Variants in PIGR observed in about 807,000 individuals in gnomAD.
The protein encoded by PIGR is polymeric immunoglobulin receptor.
In PIGR, 22 loss-of-function variants were observed where a neutral mutation model predicts 69.5. The observed-to-expected ratio is 0.32, with a 90% CI of 0.23 to 0.45. The LOEUF is 0.45. PIGR is among the 20% of genes least tolerant of loss of function. PIGR has a pLI of 1.00. For synonymous variants in PIGR, 413 were observed against 407.6 expected (o/e 1.01, Z -0.16); for missense variants, 885 against 974.0 (o/e 0.91, Z 1.22).
At position 206,937,265 on chromosome 1, in the gene PIGR, G is replaced by A; in HGVS notation, c.875C>T (p.Ala292Val). ...GTTGAGCAGGATCCTGCCCTCAAAG[G>A]CTGGGGCCCTCTTCCCCAGGGTGTT... is the stretch of plus-strand genomic sequence containing the variant. ...VVNTLGKRAP[A>V]FEGRILLNPQ... Residue 292 changes from alanine (A) to valine (V), a missense_variant, in exon 4 of 11, where the codon GCC becomes GTC. Ala to Val is a moderately conservative substitution (Grantham distance 64). Coordinates refer to ENST00000356495, the MANE Select transcript of PIGR (RefSeq NM_002644.4). 1 of 1,613,952 alleles carries A rather than the reference G, an allele frequency of 6.2e-7. No individual in the cohort carries two copies. Among genetic ancestry groups the A allele is most frequent in the Non-Finnish European group, 8.5e-7 (1 of 1,179,918 alleles).
rs753338263 is a variant in PIGR, at chr1:206,932,957, C to T, written c.1886+29G>A. 7.9e-5 allele frequency: 127 copies of T among 1,610,538 alleles called. No individual in the cohort carries two copies. In the East Asian group the frequency reaches 2.2e-3, roughly 28 times the overall value. ...AGGTGCTCGGCTCTGGGGTGTTCTCCGAGTGGGGAGCCTTGAATCCTTCCT... is the reference window on the plus strand; with the variant it reads ...AGGTGCTCGGCTCTGGGGTGTTCTCTGAGTGGGGAGCCTTGAATCCTTCCT... On this transcript the variant is annotated intron_variant, in intron 7 of 10. Coordinates refer to ENST00000356495, the MANE Select transcript of PIGR (RefSeq NM_002644.4).
chr1:206,937,308 T>A lies in PIGR; in HGVS notation c.832A>T (p.Asn278Tyr), dbSNP rs764279486. 5.0e-6 allele frequency: 8 copies of A among 1,613,354 alleles called. No homozygotes were observed. Among genetic ancestry groups the A allele is most frequent in the Non-Finnish European group, 5.9e-6 (7 of 1,179,588 alleles). Residue 278 changes from asparagine to tyrosine, a missense_variant, in exon 4 of 11, where the codon AAC (asparagine) becomes TAC (tyrosine). Coordinates refer to ENST00000356495, the MANE Select transcript of PIGR (RefSeq NM_002644.4). Reference protein sequence around the residue: ...KFLCRQSSGENCDVVVNTLGK... With the variant: ...KFLCRQSSGEYCDVVVNTLGK... The stretch of plus-strand genomic sequence containing the variant: ...AGGGTGTTGACGACCACGTCACAGT[T>A]TTCCCCACTGCTCTGTCGGCACAGA...
At position 206,930,867 on chromosome 1, in the gene PIGR, A is replaced by T. The variant is rs970249830; in HGVS notation, c.2200-454T>A. ...GCTAAATGCCAGAGATGTTTCAAGA[A>T]AAAGTAGATATGATAAAAACAACAA... On this transcript the variant is annotated intron_variant, in intron 10 of 10. Coordinates refer to ENST00000356495, the MANE Select transcript of PIGR (RefSeq NM_002644.4). This position sits in a 1 kb window ranked among gnomAD's most constrained non-coding sequence, Gnocchi z 4.3. 1 of 985,454 alleles carries T rather than the reference A, an allele frequency of 1.0e-6. No individual in the cohort carries two copies. The highest frequency in any genetic ancestry group is 1.1e-4 in the East Asian group (1 of 8,822). The allele number at this position is 985,454 out of a possible 1,614,324, so 61.0% of individuals were successfully genotyped here. A position where few individuals can be genotyped will look rare whatever the true frequency, so the allele number is the denominator to read the frequency against.
At chr1:206,939,022 C>A (rs990030585) in intron 3 of PIGR, 97 bp downstream of exon 3, 4 of 1,100,702 alleles carry the variant, frequency 3.6e-6, no homozygotes, top group African/African-American at 3.1e-5. Flanking sequence ...AACCCGGCTA[C>A]ACATCCTTGT....
rs1329421704 is a variant in PIGR at position 206,930,342 on chromosome 1, G to A, written c.2271C>T (p.Ala757=). ...LLQSSTVAAE[A]QDGPQEA is the part of the protein sequence containing the mutation. The stretch of plus-strand genomic sequence containing the variant: ...TCTAGGCTTCCTGGGGGCCGTCCTG[G>A]GCCTCGGCGGCCACGGTGCTGGACT... Residue 757 remains alanine, a synonymous_variant, in exon 11 of 11, where the codon GCC becomes GCT. Coordinates refer to ENST00000356495, the MANE Select transcript of PIGR (RefSeq NM_002644.4). The surrounding 1 kb of genome is among the most constrained non-coding windows in gnomAD (Gnocchi z 4.3). 7.4e-6 allele frequency: 12 copies of A among 1,611,614 alleles called. 1 individual carries two copies. In the South Asian group the frequency reaches 1.2e-4, roughly 16 times the overall value.
At chr1:206,942,202 G>A (rs775946928) in intron 1 of PIGR, among the ~76,000 whole-genome samples, 6 of 152,204 alleles carry the variant, frequency 3.9e-5, no homozygotes, top group Non-Finnish European at 7.3e-5. Flanking sequence ...TCTTGAGTCC[G>A]GTTAATTGCC....
Position 206,934,460 on chromosome 1 carries a change from A to C in PIGR, c.1665T>G (p.Thr555=). ...CTTCAACTGCCACATAGACGGCTGC[A>C]GTCTCTCCATAGAAGTGGCCCTGCT... ...GVKQGHFYGE[T]AAVYVAVEER... Residue 555 remains threonine, a synonymous_variant, in exon 6 of 11, where the codon ACT becomes ACG. Coordinates refer to ENST00000356495, the MANE Select transcript of PIGR (RefSeq NM_002644.4). The C allele has an allele frequency of 1.9e-6, 3 of 1,614,120 alleles. No homozygotes were observed. The highest frequency in any genetic ancestry group is 2.5e-6 in the Non-Finnish European group (3 of 1,179,996).
chr1:206,932,626 C>T, intron 7 of PIGR, 49 bp from the exon 8 acceptor site: 1 of 1,559,724 alleles, frequency 6.4e-7, no homozygotes, highest in South Asian at 1.2e-5. Flanking sequence ...GATCTGGGGG[C>T]CCGACGATGT....
chr1:206,939,352 C>A lies in PIGR; in HGVS notation c.155G>T (p.Arg52Leu), dbSNP rs1320949821. ...YPPTSVNRHT[R>L]KYWCRQGARG... Reference sequence around the variant, plus strand: ...AGCTCCCTGCCGGCACCAGTACTTCCGGGTGTGCCGGTTGACAGAGGTGGG... The same window carrying A: ...AGCTCCCTGCCGGCACCAGTACTTCAGGGTGTGCCGGTTGACAGAGGTGGG... Residue 52 changes from arginine (R) to leucine (L), a missense_variant, in exon 3 of 11, where the codon CGG becomes CTG. Arg to Leu is a moderately radical substitution (Grantham distance 102, BLOSUM62 -2). Coordinates refer to ENST00000356495, the MANE Select transcript of PIGR (RefSeq NM_002644.4). The A allele has an allele frequency of 6.2e-7, 1 of 1,614,098 alleles. No homozygotes were observed. The highest frequency in any genetic ancestry group is 8.5e-7 in the Non-Finnish European group (1 of 1,180,032).
Position 206,937,228 on chromosome 1 carries a change from C to G in PIGR, c.912G>C (p.Lys304Asn). ...TGATCACCACACTGAATGAGCCATCCTTGTCCTGGGGGTTGAGCAGGATCC... is the reference window on the plus strand; with the variant it reads ...TGATCACCACACTGAATGAGCCATCGTTGTCCTGGGGGTTGAGCAGGATCC... ...EGRILLNPQD[K>N]DGSFSVVITG... is the part of the protein sequence containing the mutation. Residue 304 changes from lysine (K) to asparagine (N), a missense_variant, in exon 4 of 11, where the codon AAG (lysine) becomes AAC (asparagine). Coordinates refer to ENST00000356495, the MANE Select transcript of PIGR (RefSeq NM_002644.4). The G allele has an allele frequency of 6.2e-7, 1 of 1,614,178 alleles. No homozygotes were observed. Among genetic ancestry groups the G allele is most frequent in the Non-Finnish European group, 8.5e-7 (1 of 1,180,022 alleles).
intron 6 of PIGR, among the ~76,000 whole-genome samples, 176 bp from the exon 7 acceptor site, chr1:206,933,342 G>T (rs1679798494): frequency 6.6e-6 from 1 of 152,196 alleles, no homozygotes; most frequent in Non-Finnish European, 1.5e-5. Context: ...TTCTTCAGCT[G>T]TCACAGATGA....
At chr1:206,946,111 C>T (rs919157959) in intron 1 of PIGR, among the ~76,000 whole-genome samples, 3 of 152,162 alleles carry the variant, frequency 2.0e-5, no homozygotes, top group Non-Finnish European at 4.4e-5. Context: ...TGATATTTCT[C>T]AGAAAAGGAT....
intron 3 of PIGR, among the ~76,000 whole-genome samples, chr1:206,938,738 T>C (rs1679919068): frequency 6.6e-6 from 1 of 152,064 alleles, no homozygotes. Flanking sequence ...GATGGAAAGG[T>C]GCATTAATGA....
chr1:206,943,840 C>T (rs541683803), intron 1 of PIGR, among the ~76,000 whole-genome samples: 36 of 152,292 alleles, frequency 2.4e-4, no homozygotes, highest in Non-Finnish European at 4.9e-4. Context: ...GCTAGAAGAA[C>T]GTACGCTGAG....
Position 206,931,498 on chromosome 1 carries a change from C to G in PIGR, c.2198G>C (p.Arg733Thr), listed in dbSNP as rs1679748345. The G allele has an allele frequency of 6.2e-7, 1 of 1,614,054 alleles. No individual in the cohort carries two copies. Residue 733 changes from arginine (R) to threonine (T), a missense_variant and splice_region_variant, in exon 10 of 11, where the codon AGG becomes ACG. Physicochemically the swap from Arg to Thr is moderately conservative, Grantham distance 71 (BLOSUM62 -1). Transcript: ENST00000356495. ...TGGGGCTTCCTTCTTCCTCCTCACCCTTTTTGCCTTCTTGGGTTCTTTGGT... is the reference window on the plus strand; with the variant it reads ...TGGGGCTTCCTTCTTCCTCCTCACCGTTTTTGCCTTCTTGGGTTCTTTGGT... ...TETKEPKKAK[R>T]SSKEEAEMAY...
chr1:206,935,858 G>C lies in PIGR; in HGVS notation c.1046-40C>G, dbSNP rs780280866. On this transcript the variant is annotated intron_variant, in intron 4 of 10. Transcript: ENST00000356495. This position sits in a 1 kb window ranked among gnomAD's most constrained non-coding sequence, Gnocchi z 4.4. ...AGAGATGGGATGGGAGGATGGCCAC[G>C]CAGGAAGAGCCTTGCGTGGCCTGAG... 1 of 1,490,182 alleles carries C rather than the reference G, an allele frequency of 6.7e-7. No homozygotes were observed. The allele number at this position is 1,490,182 out of a possible 1,614,324, so 92.3% of individuals were successfully genotyped here.
At chr1:206,932,707 G>T in intron 7 of PIGR, 130 bp from the exon 8 acceptor site, 2 of 1,148,732 alleles carry the variant, frequency 1.7e-6, no homozygotes, top group Non-Finnish European at 2.4e-6. Flanking sequence ...CAGCTCCCTA[G>T]CTCTGTTCTT....
At chr1:206,941,923 C>T (rs1001417587) in intron 1 of PIGR, among the ~76,000 whole-genome samples, 3 of 152,308 alleles carry the variant, frequency 2.0e-5, no homozygotes, top group South Asian at 4.1e-4. Flanking sequence ...AAGATAAGGA[C>T]GCTGTAAGCA....
intron 1 of PIGR, among the ~76,000 whole-genome samples, chr1:206,941,236 T>C (rs900187422): frequency 5.9e-5 from 9 of 152,068 alleles, no homozygotes; most frequent in African/African-American, 2.2e-4. Context: ...CAAGGTTAAG[T>C]ACTTTCCTCA....
Sources: gnomAD v4.1 joint callset for allele counts (sites outside exome capture counted in the v4.1 genomes callset) on GRCh38, gnomAD v4.1.1 for gene constraint, Gnocchi (gnomAD v3.1) non-coding constraint, MANE v1.5 for transcripts, NCBI Gene and HGNC (gene_info 2026-07-23, HGNC 2026-07-21) for gene names.